SESN1: variants seen among roughly 807,000 people sequenced by gnomAD.
SESN1 encodes the protein sestrin 1, also known as sestrin-1.
Under a neutral mutation model 59.3 loss-of-function variants are expected in SESN1, and 30 were observed. The observed-to-expected ratio is 0.51, with a 90% confidence interval of 0.38 to 0.69. The LOEUF (loss-of-function observed/expected upper bound fraction) is 0.69. Ranked by LOEUF, SESN1 falls within the 30% of genes least tolerant of loss-of-function variation. The probability of loss-of-function intolerance (pLI) is 0.00; values close to 1 mark genes in which losing one functional copy is unlikely to be tolerated. For synonymous variants in SESN1, 197 were observed against 219.9 expected (o/e 0.90, Z 0.92); for missense variants, 566 against 673.0 (o/e 0.84, Z 1.76).
intron 1 of SESN1, among the ~76,000 whole-genome samples, chr6:109,078,392 A>G (rs1198172731): frequency 6.6e-6 from 1 of 152,130 alleles, no homozygotes; most frequent in Non-Finnish European, 1.5e-5. Context: ...AAAATAAAAT[A>G]AAATATAAAT....
intron 1 of SESN1, among the ~76,000 whole-genome samples, chr6:109,031,305 G>A (rs188049181): frequency 6.6e-6 from 1 of 152,212 alleles, no homozygotes; most frequent in Non-Finnish European, 1.5e-5. Context: ...TCTCAGCAGT[G>A]GTACAAAGGA....
intron 1 of SESN1, among the ~76,000 whole-genome samples, chr6:109,010,876 C>A (rs538073651): frequency 2.2e-4 from 33 of 152,238 alleles, no homozygotes; most frequent in African/African-American, 7.5e-4. Flanking sequence ...ACAAAACAAA[C>A]CCAGTACATC....
At chr6:109,072,151 AAC>A (rs1300454025) in intron 1 of SESN1, among the ~76,000 whole-genome samples, 1 of 152,206 alleles carries the variant, frequency 6.6e-6, no homozygotes, top group African/African-American at 2.4e-5. Flanking sequence ...ATTTAATTAA[AAC>A]ACAGTTAACT....
At chr6:109,050,989 T>C (rs1275971373) in intron 1 of SESN1, among the ~76,000 whole-genome samples, 1 of 152,174 alleles carries the variant, frequency 6.6e-6, no homozygotes, top group African/African-American at 2.4e-5. Context: ...AGTTGTTCAA[T>C]TAGCATGACT....
intron 1 of SESN1, among the ~76,000 whole-genome samples, chr6:109,074,101 T>C: frequency 6.6e-6 from 1 of 152,238 alleles, no homozygotes; most frequent in East Asian, 1.9e-4. Flanking sequence ...TGTGTTACAA[T>C]TGCCTATTCA....
At position 108,987,602 on chromosome 6, in the gene SESN1, G is replaced by T; in HGVS notation, c.1598C>A (p.Ala533Asp). 1 of 1,601,134 alleles carries T rather than the reference G, an allele frequency of 6.2e-7. No individual in the cohort carries two copies. The highest frequency in any genetic ancestry group is 8.6e-7 in the Non-Finnish European group (1 of 1,169,294). ...ATAAAGGAGTTCTGCTTGCATCCTA[G>T]CTTCTATAAGAAGCAGATTAACATG... ...KVHVNLLLIE[A>D]RMQAELLYAL... The change falls in exon 10 of 10, where the codon GCT (alanine) becomes GAT (aspartate). Residue 533 changes from alanine to aspartate, a missense_variant. Transcript: ENST00000436639.
At chr6:109,050,963 C>T (rs1780530718) in intron 1 of SESN1, among the ~76,000 whole-genome samples, 1 of 152,096 alleles carries the variant, frequency 6.6e-6, no homozygotes, top group African/African-American at 2.4e-5. Flanking sequence ...TATGAGTGGA[C>T]GTTTGTTATG....
At chr6:109,068,343 C>G (rs1450939811) in intron 1 of SESN1, among the ~76,000 whole-genome samples, 1 of 152,014 alleles carries the variant, frequency 6.6e-6, no homozygotes, top group Non-Finnish European at 1.5e-5. Context: ...GAACTGGCTG[C>G]TCAGAGAAAG....
chr6:109,024,905 T>C (rs906490780), intron 1 of SESN1, among the ~76,000 whole-genome samples: 2 of 152,160 alleles, frequency 1.3e-5, no homozygotes, highest in African/African-American at 2.4e-5. Context: ...ATTGGAGACC[T>C]GTGTGTAAGA....
At chr6:109,004,016 C>T (rs934885598) in intron 1 of SESN1, among the ~76,000 whole-genome samples, 6 of 151,930 alleles carry the variant, frequency 3.9e-5, no homozygotes, top group African/African-American at 7.3e-5. Flanking sequence ...CTTTAGTATA[C>T]GAAAAGGTGT....
intron 1 of SESN1, among the ~76,000 whole-genome samples, chr6:109,030,802 C>T (rs900394550): frequency 6.6e-6 from 1 of 152,108 alleles, no homozygotes; most frequent in African/African-American, 2.4e-5. Flanking sequence ...CTTACAACAA[C>T]CTTGTAAGAT....
At chr6:108,989,679 G>A (rs1265674643) in intron 8 of SESN1, among the ~76,000 whole-genome samples, 1 of 152,000 alleles carries the variant, frequency 6.6e-6, no homozygotes, top group African/African-American at 2.4e-5. Context: ...CTTTACTCAT[G>A]TTTCTAGGAG....
At chr6:109,033,217 G>C (rs565319301) in intron 1 of SESN1, among the ~76,000 whole-genome samples, 4 of 152,284 alleles carry the variant, frequency 2.6e-5, no homozygotes, top group African/African-American at 9.6e-5. Context: ...GCTAAAGAGA[G>C]TGCAGTGGTC....
At chr6:109,055,999 A>T (rs1220367471) in intron 1 of SESN1, among the ~76,000 whole-genome samples, 1 of 152,240 alleles carries the variant, frequency 6.6e-6, no homozygotes, top group Non-Finnish European at 1.5e-5. Flanking sequence ...GTAACCTAAA[A>T]TTTCCTCACA....
chr6:109,037,681 A>G (rs1780269825), intron 1 of SESN1, among the ~76,000 whole-genome samples: 1 of 152,176 alleles, frequency 6.6e-6, no homozygotes, highest in African/African-American at 2.4e-5. Flanking sequence ...TATTTATCAT[A>G]TTATAGTTTT....
rs1420598886 is a variant in SESN1, at chr6:108,986,402, G to GA, written c.*1141dup. 6.6e-6 allele frequency: 1 copy of GA among 152,606 alleles called. No homozygotes were observed. Among genetic ancestry groups the GA allele is most frequent in the East Asian group, 1.9e-4 (1 of 5,200 alleles). The allele number at this position is 152,606 out of a possible 1,614,324, so 9.5% of individuals were successfully genotyped here. A position where few individuals can be genotyped will look rare whatever the true frequency, so the allele number is the denominator to read the frequency against. ...GAAACTCAAAATTATTACTAATAGT[G>GA]AAGTCATGATTTTTTAAGAGATTGA... On this transcript the variant is annotated 3_prime_UTR_variant, in exon 10 of 10. Transcript: ENST00000436639.
chr6:109,035,674 C>T (rs1375105134), intron 1 of SESN1, among the ~76,000 whole-genome samples: 1 of 152,146 alleles, frequency 6.6e-6, no homozygotes, highest in Admixed American at 6.5e-5. Context: ...AGTCATAATG[C>T]ACTGCTGCCT....
chr6:109,092,785 T>C (rs528086546), intron 1 of SESN1, among the ~76,000 whole-genome samples: 8 of 152,332 alleles, frequency 5.3e-5, no homozygotes, highest in African/African-American at 1.7e-4. Context: ...CTCTGAATTG[T>C]AACAATTGTT....
intron 1 of SESN1, among the ~76,000 whole-genome samples, chr6:109,014,369 T>C (rs1289846655): frequency 6.6e-6 from 1 of 152,212 alleles, no homozygotes; most frequent in Admixed American, 6.5e-5. Flanking sequence ...TTTTACAAAT[T>C]TGTGACATAG....
Sources: allele counts gnomAD v4.1 joint callset (sites outside exome capture counted in the v4.1 genomes callset), GRCh38; gene constraint gnomAD v4.1.1; transcripts MANE v1.5; gene names NCBI Gene and HGNC (gene_info 2026-07-23, HGNC 2026-07-21).